TRPA1: variants seen among roughly 807,000 people sequenced by gnomAD.
TRPA1 encodes the protein ankyrin-like with transmembrane domains 1.
Under a neutral mutation model 131.3 loss-of-function variants are expected in TRPA1, and 129 were observed. That is an observed-to-expected ratio of 0.98 (90% CI 0.85 to 1.14). The LOEUF (loss-of-function observed/expected upper bound fraction) is 1.14, where lower values mean the gene tolerates loss of function less well. Ranked by LOEUF, TRPA1 falls within the 50% of genes most tolerant of loss-of-function variation. The probability of loss-of-function intolerance (pLI) is 0.00; values close to 1 mark genes in which losing one functional copy is unlikely to be tolerated. For missense variants in TRPA1, 1,304 were observed against 1,354.2 expected, an observed-to-expected ratio of 0.96 and a Z score of 0.58; for synonymous variants, 441 against 451.7, an observed-to-expected ratio of 0.98 and a Z score of 0.30.
chr8:72,076,931 A>C (rs1411783356), upstream of TRPA1, among the ~76,000 whole-genome samples: 1 of 152,110 alleles, frequency 6.6e-6, no homozygotes, highest in East Asian at 1.9e-4. Context: ...ACAACTTGCT[A>C]TGATTTAGTT....
At chr8:72,087,966 C>T in the TRPA1 span, among the ~76,000 whole-genome samples, 1 of 152,206 alleles carries the variant, frequency 6.6e-6, no homozygotes. Context: ...GCTCCTTGTC[C>T]TTCCTGGAGC....
chr8:72,032,569 C>A (rs374573997), intron 23 of TRPA1, among the ~76,000 whole-genome samples: 54 of 152,296 alleles, frequency 3.5e-4, no homozygotes, highest in Non-Finnish European at 7.6e-4. Context: ...TCCAGGATAT[C>A]CAGGTAGAGA....
At chr8:72,057,637 G>T in intron 9 of TRPA1, 80 bp downstream of exon 9, 1 of 1,072,792 alleles carries the variant, frequency 9.3e-7, no homozygotes, top group Non-Finnish European at 1.4e-6. Context: ...CACAATGAAT[G>T]TTCATTTGGC....
rs747348386 is a variant in TRPA1 at position 72,050,763 on chromosome 8, T to C, written c.1905+15A>G. 6.4e-7 allele frequency: 1 copy of C among 1,558,352 alleles called. No individual in the cohort carries two copies. The highest frequency in any genetic ancestry group is 8.8e-7 in the Non-Finnish European group (1 of 1,131,132). On this transcript the variant is annotated intron_variant, in intron 15 of 26. Transcript: ENST00000262209. Reference sequence around the variant, plus strand: ...AAGCATAAACCCGGGAAGAATTTTGTTTTAGAGAATTTACCTTCATGCATT... The same window carrying C: ...AAGCATAAACCCGGGAAGAATTTTGCTTTAGAGAATTTACCTTCATGCATT...
intron 23 of TRPA1, among the ~76,000 whole-genome samples, chr8:72,031,916 A>C (rs1034412024): frequency 2.0e-5 from 3 of 152,204 alleles, no homozygotes; most frequent in African/African-American, 7.2e-5. Context: ...CATCCAATAG[A>C]GTTAGTTAAT....
intron 14 of TRPA1, 105 bp from the exon 15 acceptor site, chr8:72,050,976 A>T: frequency 7.2e-6 from 6 of 833,810 alleles, no homozygotes; most frequent in Non-Finnish European, 1.2e-5. Flanking sequence ...AAACTTAAGC[A>T]TATTCATGAA....
chr8:72,087,728 T>C, the TRPA1 span, among the ~76,000 whole-genome samples: 1 of 152,036 alleles, frequency 6.6e-6, no homozygotes, highest in African/African-American at 2.4e-5. Context: ...ACATTTTAAA[T>C]TTTATTTTAT....
rs1025427356 is a variant in TRPA1 at position 72,064,252 on chromosome 8, T to TTA, written c.553-683_553-682dup. Reference sequence around the variant, plus strand: ...TACTCTATACATAATAGTCCAGAAATTATATATATATAATATATATATATA... The same window carrying TTA: ...TACTCTATACATAATAGTCCAGAAATTATATATATATATAATATATATATATA... On this transcript the variant is annotated intron_variant, in intron 4 of 26. Transcript: ENST00000262209. Among the ~76,000 whole-genome samples, 7 of 107,910 alleles carry TTA rather than the reference T, an allele frequency of 6.5e-5. 1 individual carries two copies. The highest frequency in any genetic ancestry group is 2.3e-4 in the Admixed American group (2 of 8,862). The allele number at this position is 107,910 out of a possible 152,430, so 70.8% of individuals were successfully genotyped here. A position where few individuals can be genotyped will look rare whatever the true frequency, so the allele number is the denominator to read the frequency against.
the TRPA1 span, among the ~76,000 whole-genome samples, chr8:72,088,341 T>G: frequency 1.3e-5 from 2 of 151,944 alleles, no homozygotes; most frequent in South Asian, 4.1e-4. Context: ...TTCACCCTGT[T>G]TTGGATTTAC....
intron 24 of TRPA1, among the ~76,000 whole-genome samples, chr8:72,028,588 G>A (rs934080650): frequency 3.3e-5 from 5 of 152,048 alleles, no homozygotes; most frequent in African/African-American, 1.2e-4. Flanking sequence ...TGTTCCAATC[G>A]CTCTGTGTCT....
intron 23 of TRPA1, among the ~76,000 whole-genome samples, chr8:72,031,589 A>C (rs1811818857): frequency 6.9e-6 from 1 of 144,186 alleles, no homozygotes; most frequent in African/African-American, 2.5e-5. Context: ...AAAAAAACAA[A>C]AAAACAAAAA....
At chr8:72,074,484 T>G (rs1178564825) in intron 1 of TRPA1, among the ~76,000 whole-genome samples, 1 of 152,162 alleles carries the variant, frequency 6.6e-6, no homozygotes, top group African/African-American at 2.4e-5. Flanking sequence ...GGTCCCTCTG[T>G]CGAAAGAGAT....
At chr8:72,081,633 T>A in the TRPA1 span, among the ~76,000 whole-genome samples, 21 of 151,888 alleles carry the variant, frequency 1.4e-4, no homozygotes, top group African/African-American at 5.1e-4. Context: ...CTATTTCTTC[T>A]CACAATTCTG....
chr8:72,083,418 C>T, the TRPA1 span, among the ~76,000 whole-genome samples: 2 of 152,102 alleles, frequency 1.3e-5, no homozygotes, highest in Admixed American at 1.3e-4. Flanking sequence ...ATCACAGCAA[C>T]TCCAGGTTTT....
upstream of TRPA1, among the ~76,000 whole-genome samples, chr8:72,076,147 T>G (rs750462838): frequency 6.6e-5 from 10 of 152,094 alleles, no homozygotes; most frequent in Non-Finnish European, 1.3e-4. Context: ...CTAGATTAAG[T>G]CCCTGTGAAT....
At chr8:72,050,601 T>A (rs1012450774) in intron 15 of TRPA1, among the ~76,000 whole-genome samples, 177 bp downstream of exon 15, 1 of 152,202 alleles carries the variant, frequency 6.6e-6, no homozygotes, top group Non-Finnish European at 1.5e-5. Context: ...ATATAATAAC[T>A]AATAGGATTC....
the TRPA1 span, among the ~76,000 whole-genome samples, chr8:72,084,456 C>T: frequency 5.3e-5 from 8 of 150,684 alleles, no homozygotes; most frequent in Non-Finnish European, 3.0e-5. Flanking sequence ...AAGGAAACAA[C>T]TTTTGGTTTT....
intron 17 of TRPA1, 73 bp from the exon 18 acceptor site, chr8:72,039,870 G>A: frequency 9.9e-7 from 1 of 1,007,268 alleles, no homozygotes; most frequent in South Asian, 1.3e-5. Flanking sequence ...TCTATTTATT[G>A]TCTGGTTTTA....
At chr8:72,047,292 C>T in intron 15 of TRPA1, 85 bp from the exon 16 acceptor site, 2 of 977,342 alleles carry the variant, frequency 2.0e-6, no homozygotes, top group South Asian at 1.4e-5. Context: ...AAATAATACA[C>T]AAGACATTCC....
Sources: allele counts gnomAD v4.1 joint callset (sites outside exome capture counted in the v4.1 genomes callset), GRCh38; gene constraint gnomAD v4.1.1; transcripts MANE v1.5; gene names NCBI Gene and HGNC (gene_info 2026-07-23, HGNC 2026-07-21).